TCF12: variants seen among roughly 807,000 people sequenced by gnomAD.
TCF12 encodes transcription factor 12.
In TCF12, 45 loss-of-function variants were observed where a neutral mutation model predicts 86.0. That is an observed-to-expected ratio of 0.52 (90% CI 0.41 to 0.67). The LOEUF is 0.67. TCF12 is among the 30% of genes least tolerant of loss of function. The pLI, the probability that TCF12 is intolerant of heterozygous loss-of-function variation, is 0.00. For synonymous variants in TCF12, 330 were observed against 299.6 expected (o/e 1.10, Z -1.05); for missense variants, 881 against 859.9 (o/e 1.02, Z -0.31).
chr15:57,135,610 T>C lies in TCF12; in HGVS notation c.326-30792T>C, dbSNP rs139079403. 3.8e-3 allele frequency among the ~76,000 whole-genome samples: 577 copies of C among 152,320 alleles called. 3 individuals carry two copies. The highest frequency in any genetic ancestry group is 0.014 in the African/African-American group (563 of 41,570). On this transcript the variant is annotated intron_variant, in intron 5 of 20. Coordinates refer to ENST00000333725, the MANE Select transcript of TCF12 (RefSeq NM_207037.2). ...AAATAGTAGCCCTCTCTGAGATGAA[T>C]TGGATTTGTAAGATTTGAGATAGAA...
intron 4 of TCF12, among the ~76,000 whole-genome samples, chr15:57,088,121 A>G (rs1445356200): frequency 1.3e-5 from 2 of 152,120 alleles, no homozygotes; most frequent in Non-Finnish European, 2.9e-5. Context: ...TGGTTGATCC[A>G]CTCGGGCTCC....
chr15:57,162,255 G>T (rs961093232), intron 5 of TCF12, among the ~76,000 whole-genome samples: 1 of 151,752 alleles, frequency 6.6e-6, no homozygotes, highest in African/African-American at 2.4e-5. Context: ...AAAAAGGTTG[G>T]TAGAAACCCT....
At chr15:57,273,766 T>C (rs182983007) in intron 19 of TCF12, among the ~76,000 whole-genome samples, 1 of 152,300 alleles carries the variant, frequency 6.6e-6, no homozygotes, top group East Asian at 1.9e-4. Context: ...CAGGGCTTCT[T>C]TGTTGACCCC....
intron 3 of TCF12, among the ~76,000 whole-genome samples, chr15:56,953,845 G>A (rs553958575): frequency 2.3e-5 from 3 of 127,712 alleles, no homozygotes; most frequent in African/African-American, 8.6e-5. Context: ...TTTTTTTGAT[G>A]TTCTCAAAGA....
intron 3 of TCF12, among the ~76,000 whole-genome samples, chr15:56,934,427 C>T (rs1207073838): frequency 6.6e-6 from 1 of 152,164 alleles, no homozygotes; most frequent in Admixed American, 6.5e-5. Flanking sequence ...GCTAGAGAAA[C>T]TCTTGTCTGC....
chr15:57,244,952 A>G (rs1307370243), intron 13 of TCF12, among the ~76,000 whole-genome samples: 5 of 152,196 alleles, frequency 3.3e-5, no homozygotes, highest in Admixed American at 6.5e-5. Flanking sequence ...AACTCGAACT[A>G]TATTTTTCTG....
At chr15:56,943,989 T>C (rs550585833) in intron 3 of TCF12, among the ~76,000 whole-genome samples, 117 of 152,348 alleles carry the variant, frequency 7.7e-4, no homozygotes, top group Non-Finnish European at 1.4e-3. Flanking sequence ...GGCTGCAGTT[T>C]AGAACCATTG....
intron 4 of TCF12, among the ~76,000 whole-genome samples, chr15:57,086,355 T>C (rs1192790245): frequency 6.6e-6 from 1 of 151,818 alleles, no homozygotes; most frequent in Non-Finnish European, 1.5e-5. Flanking sequence ...CGCATTCTTA[T>C]TACCATCATC....
intron 16 of TCF12, among the ~76,000 whole-genome samples, chr15:57,256,903 A>G (rs1273758133): frequency 6.6e-6 from 1 of 152,192 alleles, no homozygotes; most frequent in Non-Finnish European, 1.5e-5. Flanking sequence ...GCAGCATCCT[A>G]ATTGTAGGGT....
intron 7 of TCF12, among the ~76,000 whole-genome samples, chr15:57,196,387 A>G (rs1408849569): frequency 6.6e-6 from 1 of 152,236 alleles, no homozygotes; most frequent in Non-Finnish European, 1.5e-5. Context: ...GGACTTGAGC[A>G]TCTGTGGATT....
intron 18 of TCF12, among the ~76,000 whole-genome samples, chr15:57,265,629 T>C (rs1012228147): frequency 3.3e-5 from 5 of 152,224 alleles, no homozygotes; most frequent in African/African-American, 1.2e-4. Context: ...TTTGATGATA[T>C]TTTGTCACCA....
chr15:57,065,493 C>G (rs2068794311), intron 4 of TCF12, among the ~76,000 whole-genome samples: 1 of 152,060 alleles, frequency 6.6e-6, no homozygotes, highest in South Asian at 2.1e-4. Context: ...ACTCACAGTA[C>G]TACTTATTAA....
intron 19 of TCF12, 164 bp from the exon 20 acceptor site, chr15:57,282,281 A>G: frequency 1.4e-6 from 1 of 737,520 alleles, no homozygotes; most frequent in Non-Finnish European, 2.2e-6. Flanking sequence ...ATAAATCTGG[A>G]GGCTCAGTTC....
chr15:57,115,556 G>A (rs1035001652), intron 5 of TCF12, among the ~76,000 whole-genome samples: 3 of 152,194 alleles, frequency 2.0e-5, no homozygotes, highest in Admixed American at 6.5e-5. Flanking sequence ...GCACAAGCCT[G>A]TAGGCAGATT....
intron 3 of TCF12, among the ~76,000 whole-genome samples, chr15:56,950,745 G>GCTTT (rs1555455322): frequency 0.019 from 1,596 of 85,898 alleles, 668 homozygotes; most frequent in Non-Finnish European, 0.025. Flanking sequence ...TTATGACCAT[G>GCTTT]TTTTTTTTTT....
At chr15:56,990,151 C>CTTTTTTT (rs372235874) in intron 3 of TCF12, among the ~76,000 whole-genome samples, 92 of 92,684 alleles carry the variant, frequency 9.9e-4, no homozygotes, top group East Asian at 1.5e-3. Context: ...ATAGTCTTGT[C>CTTTTTTT]TTTTTTTTTT....
chr15:57,132,346 C>T (rs2151354354), intron 5 of TCF12, among the ~76,000 whole-genome samples: 1 of 152,202 alleles, frequency 6.6e-6, no homozygotes, highest in South Asian at 2.1e-4. Context: ...CAAGTAAATA[C>T]TTATGTATCC....
chr15:57,075,757 C>CTT (rs1279491439), intron 4 of TCF12, among the ~76,000 whole-genome samples: 7 of 128,982 alleles, frequency 5.4e-5, no homozygotes, highest in Non-Finnish European at 8.4e-5. Context: ...CATGAGGTTT[C>CTT]TTTTCTTTCT....
chr15:57,117,387 T>C (rs2050916934), intron 5 of TCF12, among the ~76,000 whole-genome samples: 1 of 152,174 alleles, frequency 6.6e-6, no homozygotes, highest in South Asian at 2.1e-4. Flanking sequence ...GATCTTAACA[T>C]CTTCTTTACT....
Sources: gnomAD v4.1 joint callset for allele counts (sites outside exome capture counted in the v4.1 genomes callset) on GRCh38, gnomAD v4.1.1 for gene constraint, MANE v1.5 for transcripts, NCBI Gene and HGNC (gene_info 2026-07-23, HGNC 2026-07-21) for gene names.